Variants in MYO3B observed in about 807,000 individuals in gnomAD.
The protein encoded by MYO3B is myosin-IIIb.
Under a neutral mutation model 174.6 loss-of-function variants are expected in MYO3B, and 156 were observed. The ratio of observed to expected loss-of-function variants is 0.89; its 90% confidence interval spans 0.78 to 1.02. MYO3B has a LOEUF of 1.02. Ranked by LOEUF, MYO3B falls within the 50% of genes least tolerant of loss-of-function variation. The pLI, the probability that MYO3B is intolerant of heterozygous loss-of-function variation, is 0.00. For missense variants in MYO3B, 1,632 were observed against 1,639.4 expected, an observed-to-expected ratio of 1.00 and a Z score of 0.08; for synonymous variants, 563 against 569.1, an observed-to-expected ratio of 0.99 and a Z score of 0.15.
At chr2:170,387,747 A>G (rs974863199) in intron 14 of MYO3B, among the ~76,000 whole-genome samples, 1 of 152,212 alleles carries the variant, frequency 6.6e-6, no homozygotes, top group East Asian at 1.9e-4. Flanking sequence ...TCAATAGCAC[A>G]GACTTTGATC....
chr2:170,310,465 C>T (rs531335294), intron 7 of MYO3B, among the ~76,000 whole-genome samples: 5 of 152,080 alleles, frequency 3.3e-5, no homozygotes, highest in African/African-American at 1.2e-4. Context: ...GAGTTTGAGA[C>T]CAGCCTGGCC....
Position 170,369,330 on chromosome 2 carries a change from C to T in MYO3B, c.924C>T (p.Ala308=). The T allele has an allele frequency of 1.2e-6, 2 of 1,613,590 alleles. No homozygotes were observed. The highest frequency in any genetic ancestry group is 1.7e-6 in the Non-Finnish European group (2 of 1,179,676). Residue 308 remains alanine (A), a synonymous_variant, in exon 9 of 35, where the codon GCC becomes GCT. Coordinates refer to ENST00000408978, the MANE Select transcript of MYO3B (RefSeq NM_138995.5). ...GKVLFLQKQL[A]KVLQDQKHQN... ...TTCTGTTTCTGCAAAAACAGCTGGC[C>T]AAGGTTCTCCAAGACCAGAAGCATC...
chr2:170,300,786 C>G (rs1397853044), intron 7 of MYO3B, among the ~76,000 whole-genome samples: 1 of 152,172 alleles, frequency 6.6e-6, no homozygotes, highest in Non-Finnish European at 1.5e-5. Flanking sequence ...CTTTTTGAAA[C>G]CTACCACATT....
chr2:170,537,109 G>A (rs1380340564), intron 30 of MYO3B, among the ~76,000 whole-genome samples: 1 of 150,646 alleles, frequency 6.6e-6, no homozygotes, highest in African/African-American at 2.4e-5. Context: ...GCTGAGGCAG[G>A]AGAATCGCTT....
At position 170,369,311 on chromosome 2, in the gene MYO3B, T is replaced by G; in HGVS notation, c.905T>G (p.Phe302Cys). The G allele has an allele frequency of 6.2e-7, 1 of 1,613,878 alleles. No homozygotes were observed. The highest frequency in any genetic ancestry group is 8.5e-7 in the Non-Finnish European group (1 of 1,179,812). ...AAAGGAGTACATGGAAAAGTTCTGT[T>G]TCTGCAAAAACAGCTGGCCAAGGTT... ...FIKGVHGKVL[F>C]LQKQLAKVLQ... The change falls in exon 9 of 35, where the codon TTT becomes TGT. Residue 302 changes from phenylalanine (F) to cysteine (C), a missense_variant. Physicochemically the swap from Phe to Cys is radical, Grantham distance 205. Transcript: ENST00000408978.
At chr2:170,557,146 T>TA (rs1229005392) in intron 32 of MYO3B, among the ~76,000 whole-genome samples, 38 of 116,454 alleles carry the variant, frequency 3.3e-4, no homozygotes, top group African/African-American at 6.8e-4. Flanking sequence ...ATTTTTATTT[T>TA]TATTTTTTTT....
intron 8 of MYO3B, among the ~76,000 whole-genome samples, chr2:170,352,676 A>G (rs1423039567): frequency 6.6e-6 from 1 of 152,204 alleles, no homozygotes; most frequent in Non-Finnish European, 1.5e-5. Context: ...ATTTCAAGCT[A>G]TCAATCTGAT....
chr2:170,411,203 A>G (rs1243008162), intron 22 of MYO3B, among the ~76,000 whole-genome samples: 1 of 152,184 alleles, frequency 6.6e-6, no homozygotes, highest in Admixed American at 6.5e-5. Flanking sequence ...GTTGCTGGGC[A>G]GGTAACATTC....
intron 7 of MYO3B, among the ~76,000 whole-genome samples, chr2:170,260,042 T>G (rs1441665679): frequency 6.6e-6 from 1 of 151,812 alleles, no homozygotes; most frequent in Admixed American, 6.6e-5. Context: ...TTAGTCAGAA[T>G]GGCTATTATT....
intron 22 of MYO3B, chr2:170,412,215 A>G (rs546260303): frequency 1.3e-5 from 2 of 152,250 alleles, no homozygotes; most frequent in African/African-American, 4.8e-5. Context: ...AAACTGAGAG[A>G]AAAGCTTAAA....
intron 32 of MYO3B, among the ~76,000 whole-genome samples, chr2:170,582,404 G>A (rs1319306383): frequency 6.6e-6 from 1 of 152,318 alleles, no homozygotes; most frequent in South Asian, 2.1e-4. Context: ...CAGGGAAGAT[G>A]ACCTCACTGC....
chr2:170,587,056 T>C (rs939939167), intron 32 of MYO3B, among the ~76,000 whole-genome samples: 2 of 152,226 alleles, frequency 1.3e-5, no homozygotes, highest in African/African-American at 2.4e-5. Flanking sequence ...AGCAAGAATT[T>C]CAGCATTTTT....
At chr2:170,400,339 G>A (rs1044274518) in intron 17 of MYO3B, 25 bp downstream of exon 17, 2 of 1,610,904 alleles carry the variant, frequency 1.2e-6, no homozygotes, top group South Asian at 2.2e-5. Flanking sequence ...TTTGTGGGCT[G>A]TGTTGTTGCC....
chr2:170,190,748 T>C (rs530547329), intron 1 of MYO3B, among the ~76,000 whole-genome samples: 1 of 152,076 alleles, frequency 6.6e-6, no homozygotes, highest in Non-Finnish European at 1.5e-5. Flanking sequence ...GGTAGTAGGC[T>C]TCCCCAACCC....
chr2:170,366,419 G>C (rs1440279133), intron 8 of MYO3B, among the ~76,000 whole-genome samples: 2 of 152,016 alleles, frequency 1.3e-5, no homozygotes, highest in East Asian at 3.9e-4. Context: ...TCCTGCCTCA[G>C]CCTCCCAAGT....
At chr2:170,400,391 A>C (rs1012220913) in intron 17 of MYO3B, 77 bp downstream of exon 17, 89 of 1,366,776 alleles carry the variant, frequency 6.5e-5, no homozygotes, top group Non-Finnish European at 8.6e-5. Context: ...ATAATGCAGC[A>C]TTTGCTGGTC....
intron 7 of MYO3B, among the ~76,000 whole-genome samples, chr2:170,299,109 G>A (rs139360599): frequency 1.5e-4 from 23 of 152,248 alleles, no homozygotes; most frequent in African/African-American, 5.5e-4. Flanking sequence ...AGTGATGCAT[G>A]ACTGTATTAT....
At chr2:170,628,679 C>T (rs986949978) in intron 32 of MYO3B, among the ~76,000 whole-genome samples, 2 of 150,432 alleles carry the variant, frequency 1.3e-5, no homozygotes, top group African/African-American at 4.9e-5. Context: ...TGGAACTGTC[C>T]TCTTATATTC....
intron 7 of MYO3B, among the ~76,000 whole-genome samples, chr2:170,279,121 A>G (rs1032208571): frequency 6.6e-6 from 1 of 151,968 alleles, no homozygotes; most frequent in Non-Finnish European, 1.5e-5. Context: ...TTATATATTG[A>G]TTCCCTTTCC....
Sources: gnomAD v4.1 joint callset for allele counts (sites outside exome capture counted in the v4.1 genomes callset) on GRCh38, gnomAD v4.1.1 for gene constraint, MANE v1.5 for transcripts, NCBI Gene and HGNC (gene_info 2026-07-23, HGNC 2026-07-21) for gene names.